Variants in BMAL1 observed in about 807,000 individuals in gnomAD.
BMAL1 encodes the protein basic helix-loop-helix ARNT like 1, also known as basic helix-loop-helix ARNT-like protein 1.
the BMAL1 span, among the ~76,000 whole-genome samples, chr11:13,305,386 T>G: frequency 6.6e-6 from 1 of 152,242 alleles, no homozygotes; most frequent in Non-Finnish European, 1.5e-5. Flanking sequence ...GTATTTTTAA[T>G]TTTGGTATCC....
the BMAL1 span, chr11:13,372,375 G>A: frequency 5.6e-6 from 9 of 1,614,024 alleles, no homozygotes; most frequent in East Asian, 2.2e-5. Context: ...TTCTCGGCAC[G>A]CGATAGATGG....
At chr11:13,296,394 C>T in the BMAL1 span, among the ~76,000 whole-genome samples, 2 of 152,212 alleles carry the variant, frequency 1.3e-5, no homozygotes, top group South Asian at 2.1e-4. Flanking sequence ...GAGCTTTCCT[C>T]GCTCCTCTCC....
At chr11:13,339,613 C>T in the BMAL1 span, among the ~76,000 whole-genome samples, 2 of 152,256 alleles carry the variant, frequency 1.3e-5, no homozygotes, top group Non-Finnish European at 2.9e-5. Flanking sequence ...GCTGTCTCCT[C>T]TCCCTAGCAT....
chr11:13,341,535 G>A, the BMAL1 span, among the ~76,000 whole-genome samples: 1 of 152,208 alleles, frequency 6.6e-6, no homozygotes, highest in Non-Finnish European at 1.5e-5. Flanking sequence ...AGAAACACAA[G>A]CACCTTTCAG....
the BMAL1 span, among the ~76,000 whole-genome samples, chr11:13,293,199 G>T: frequency 6.6e-6 from 1 of 152,106 alleles, no homozygotes. Context: ...ACTAAGCAGT[G>T]GGGGGCACCC....
chr11:13,365,589 C>T, the BMAL1 span: 1 of 1,612,868 alleles, frequency 6.2e-7, no homozygotes, highest in Non-Finnish European at 8.5e-7. Flanking sequence ...TCAACTACAG[C>T]CAGGTATTGT....
the BMAL1 span, among the ~76,000 whole-genome samples, chr11:13,374,973 C>T: frequency 6.6e-6 from 1 of 152,198 alleles, no homozygotes; most frequent in African/African-American, 2.4e-5. Flanking sequence ...ACTGGCCTCT[C>T]CCCAACCAGA....
chr11:13,378,500 AT>A, the BMAL1 span: 4 of 1,564,108 alleles, frequency 2.6e-6, no homozygotes, highest in Non-Finnish European at 2.6e-6. Context: ...ACCCAGGGAA[AT>A]TTTTTCCCCC....
At chr11:13,369,845 G>T in the BMAL1 span, 1 of 1,537,094 alleles carries the variant, frequency 6.5e-7, no homozygotes, top group Non-Finnish European at 8.8e-7. Context: ...GCTGGGCGTT[G>T]GTTCCATGGT....
the BMAL1 span, among the ~76,000 whole-genome samples, chr11:13,288,116 A>G: frequency 0.99 from 150,667 of 152,288 alleles, 74,550 homozygotes; most frequent in Middle Eastern, 1. Flanking sequence ...ATAATTAAAA[A>G]CACAGAAGTA....
chr11:13,377,257 TC>T, the BMAL1 span, among the ~76,000 whole-genome samples: 1 of 152,084 alleles, frequency 6.6e-6, no homozygotes, highest in Non-Finnish European at 1.5e-5. Context: ...CCAGTCTCTC[TC>T]CCGAGCTCCA....
the BMAL1 span, among the ~76,000 whole-genome samples, chr11:13,313,349 C>CCACT: frequency 1.3e-5 from 2 of 152,312 alleles, no homozygotes; most frequent in African/African-American, 4.8e-5. Flanking sequence ...AGCTCATCCA[C>CCACT]CACTCACCTC....
chr11:13,300,416 T>G, the BMAL1 span, among the ~76,000 whole-genome samples: 1 of 152,240 alleles, frequency 6.6e-6, no homozygotes. Context: ...AAAATTTACT[T>G]AAAATGCTAG....
At chr11:13,357,161 G>A in the BMAL1 span, 1 of 1,601,968 alleles carries the variant, frequency 6.2e-7, no homozygotes, top group East Asian at 2.2e-5. This position sits in a 1 kb window ranked among gnomAD's most constrained non-coding sequence, Gnocchi z 4.8. Flanking sequence ...AGCAGCTGAG[G>A]AGGCTCTGCA....
chr11:13,377,735 G>T, the BMAL1 span, among the ~76,000 whole-genome samples: 1 of 152,308 alleles, frequency 6.6e-6, no homozygotes, highest in South Asian at 2.1e-4. Context: ...CATCTATCAT[G>T]CTCTCATCAT....
At chr11:13,369,538 G>A in the BMAL1 span, 27 of 1,536,862 alleles carry the variant, frequency 1.8e-5, no homozygotes, top group Non-Finnish European at 2.4e-5. Context: ...GGCAAGAAAA[G>A]GCTTTGCTCA....
chr11:13,302,936 C>T, the BMAL1 span, among the ~76,000 whole-genome samples: 1 of 152,204 alleles, frequency 6.6e-6, no homozygotes, highest in Non-Finnish European at 1.5e-5. Flanking sequence ...TGTTGCCCTG[C>T]CACTGACCGT....
At chr11:13,386,228 A>G in the BMAL1 span, among the ~76,000 whole-genome samples, 54 of 152,130 alleles carry the variant, frequency 3.5e-4, no homozygotes, top group African/African-American at 1.2e-3. Flanking sequence ...CTCCCTTCCT[A>G]TTTGCCTTTC....
the BMAL1 span, chr11:13,360,294 G>C: frequency 6.5e-7 from 1 of 1,528,660 alleles, no homozygotes; most frequent in African/African-American, 1.4e-5. Flanking sequence ...GTTAGAATGA[G>C]ACATTTTCTG....
Sources: allele counts gnomAD v4.1 joint callset (sites outside exome capture counted in the v4.1 genomes callset), GRCh38; gene constraint gnomAD v4.1.1; non-coding constraint Gnocchi (gnomAD v3.1); transcripts MANE v1.5; gene names NCBI Gene and HGNC (gene_info 2026-07-23, HGNC 2026-07-21).